TRAPPC9: variants seen among roughly 807,000 people sequenced by gnomAD.
The protein encoded by TRAPPC9 is IKK2 binding protein.
In TRAPPC9, 83 loss-of-function variants were observed where a neutral mutation model predicts 124.0. That is an observed-to-expected ratio of 0.67 (90% CI 0.56 to 0.80). The LOEUF is 0.80. Among genes scored for constraint, TRAPPC9 ranks in the 30% least tolerant of loss-of-function variants. TRAPPC9 has a pLI of 0.00. For missense variants in TRAPPC9, 1,302 were observed against 1,508.3 expected (o/e 0.86, Z 2.27); for synonymous variants, 638 against 617.5 (o/e 1.03, Z -0.49).
chr8:140,141,012 T>C (rs966620730), intron 17 of TRAPPC9, among the ~76,000 whole-genome samples: 2 of 152,228 alleles, frequency 1.3e-5, no homozygotes, highest in African/African-American at 4.8e-5. Flanking sequence ...CTTTTTATAA[T>C]AATTATTTTG....
At chr8:140,392,693 G>A (rs1019006266) in intron 7 of TRAPPC9, among the ~76,000 whole-genome samples, 22 of 152,280 alleles carry the variant, frequency 1.4e-4, no homozygotes, top group South Asian at 6.2e-4. Context: ...GAGGCCCTTC[G>A]CCTCTGAAAT....
At chr8:140,025,660 T>C (rs978319324) in intron 17 of TRAPPC9, among the ~76,000 whole-genome samples, 1 of 151,830 alleles carries the variant, frequency 6.6e-6, no homozygotes, top group Non-Finnish European at 1.5e-5. Context: ...TCTCACTAGA[T>C]TCGTGCAGAT....
chr8:139,992,686 T>C (rs963891411), intron 18 of TRAPPC9, among the ~76,000 whole-genome samples: 2 of 149,884 alleles, frequency 1.3e-5, no homozygotes, highest in African/African-American at 4.9e-5. Flanking sequence ...GCTGTAATCA[T>C]GAAGACAGAG....
At chr8:140,068,209 A>G (rs1290197432) in intron 17 of TRAPPC9, among the ~76,000 whole-genome samples, 1 of 152,104 alleles carries the variant, frequency 6.6e-6, no homozygotes, top group Non-Finnish European at 1.5e-5. Flanking sequence ...TGCCTGGGGA[A>G]GTGGAAGGCT....
intron 2 of TRAPPC9, among the ~76,000 whole-genome samples, chr8:140,444,008 C>T (rs1015206308): frequency 7.3e-6 from 1 of 136,734 alleles, no homozygotes; most frequent in Non-Finnish European, 1.5e-5. Flanking sequence ...TGCACTCCAG[C>T]CTGGGCGACA....
intron 19 of TRAPPC9, among the ~76,000 whole-genome samples, chr8:139,943,015 T>C (rs965430154): frequency 1.3e-5 from 2 of 152,312 alleles, no homozygotes; most frequent in East Asian, 1.9e-4. Flanking sequence ...GAAGTCCAGC[T>C]AAGGAGAAAA....
chr8:139,796,134 A>AAGGAGGAGGAAG (rs1200867251), intron 21 of TRAPPC9, among the ~76,000 whole-genome samples: 101 of 123,900 alleles, frequency 8.2e-4, no homozygotes, highest in African/African-American at 2.7e-3. Context: ...GGAAGAGGAG[A>AAGGAGGAGGAAG]AGGAGGAGGA....
Position 140,087,186 on chromosome 8 carries a change from T to G in TRAPPC9, c.2557-63107A>C, listed in dbSNP as rs1045573424. Among the ~76,000 whole-genome samples, 7 of 152,188 alleles carry G rather than the reference T, an allele frequency of 4.6e-5. No individual in the cohort carries two copies. Among genetic ancestry groups the G allele is most frequent in the African/African-American group, 1.7e-4 (7 of 41,434 alleles). On this transcript the variant is annotated intron_variant, in intron 17 of 22. Coordinates refer to ENST00000438773, the MANE Select transcript of TRAPPC9 (RefSeq NM_001160372.4). This position sits in a 1 kb window ranked among gnomAD's most constrained non-coding sequence, Gnocchi z 4.6. The stretch of plus-strand genomic sequence containing the variant: ...TTTGCTCCTAAGCCACGCCCCATGT[T>G]TCCAGCTTTTGAGCTGCCTGCTTTT...
At chr8:139,860,318 G>A (rs1021104867) in intron 21 of TRAPPC9, among the ~76,000 whole-genome samples, 3 of 152,134 alleles carry the variant, frequency 2.0e-5, no homozygotes, top group African/African-American at 7.2e-5. Context: ...AGTCCAAAAG[G>A]GGCTGTTACA....
intron 17 of TRAPPC9, among the ~76,000 whole-genome samples, chr8:140,052,292 A>C (rs1842050386): frequency 6.6e-6 from 1 of 152,246 alleles, no homozygotes; most frequent in Admixed American, 6.5e-5. Flanking sequence ...AAATGCAAGG[A>C]AACCTTCTCT....
chr8:139,830,310 G>T (rs1825897833), intron 21 of TRAPPC9, among the ~76,000 whole-genome samples: 1 of 138,872 alleles, frequency 7.2e-6, no homozygotes, highest in African/African-American at 2.9e-5. Flanking sequence ...CACTACACAT[G>T]CACACACATG....
chr8:139,939,614 G>A (rs1421992566), intron 19 of TRAPPC9, among the ~76,000 whole-genome samples: 1 of 152,182 alleles, frequency 6.6e-6, no homozygotes, highest in Non-Finnish European at 1.5e-5. Context: ...GGGCTGATGT[G>A]CATCCTGGCA....
In TRAPPC9 at chr8:140,249,595, CTCT is replaced by C. The variant is rs1182674366; in HGVS notation, c.2431+3179_2431+3181del. Among the ~76,000 whole-genome samples, 8 of 139,586 alleles carry C rather than the reference CTCT, an allele frequency of 5.7e-5. No individual in the cohort carries two copies. In the East Asian group the frequency reaches 1.6e-3, roughly 27 times the overall value. 91.6% of individuals were successfully genotyped at this position (139,586 alleles called of 152,430 possible). On this transcript the variant is annotated intron_variant, in intron 16 of 22. Transcript: ENST00000438773. ...GTAAGTGCAGGCAAATCATCTTTCA[CTCT>C]TTTTTTTTTTTTTTTTTTTTTTTGA...
chr8:140,078,782 C>A (rs960799631), intron 17 of TRAPPC9, among the ~76,000 whole-genome samples: 4 of 152,138 alleles, frequency 2.6e-5, no homozygotes, highest in Non-Finnish European at 5.9e-5. Flanking sequence ...AACACCAGGT[C>A]AGCCACCTCC....
intron 5 of TRAPPC9, among the ~76,000 whole-genome samples, chr8:140,408,007 A>T (rs765801421): frequency 2.6e-5 from 4 of 152,346 alleles, no homozygotes; most frequent in Non-Finnish European, 4.4e-5. Context: ...GAAAATAACA[A>T]GAGCATCGCT....
rs149864532 is a variant in TRAPPC9 at position 139,829,708 on chromosome 8, G to C, written c.3055+56171C>G. Among the ~76,000 whole-genome samples the C allele has an allele frequency of 6.6e-4, 101 of 152,318 alleles. 1 individual carries two copies. The highest frequency in any genetic ancestry group is 2.3e-3 in the African/African-American group (95 of 41,570). On this transcript the variant is annotated intron_variant, in intron 21 of 22. Coordinates refer to ENST00000438773, the MANE Select transcript of TRAPPC9 (RefSeq NM_001160372.4). ...TATGATCCCAAATATTGTAACACAA[G>C]AGCGAAAAGAATGGATCCTGAGAGA...
At position 139,987,454 on chromosome 8, in the gene TRAPPC9, C is replaced by T. The variant is rs529176100; in HGVS notation, c.2810+1272G>A. 1.7e-4 allele frequency among the ~76,000 whole-genome samples: 26 copies of T among 152,178 alleles called. 1 individual carries two copies. In the South Asian group the frequency reaches 3.7e-3, roughly 22 times the overall value. On this transcript the variant is annotated intron_variant, in intron 19 of 22. Coordinates refer to ENST00000438773, the MANE Select transcript of TRAPPC9 (RefSeq NM_001160372.4). ...TGATGAGTGTCTCATGCTGTCTCATCGCGGTTTGGACTTACATTCCACCAC... is the reference window on the plus strand; with the variant it reads ...TGATGAGTGTCTCATGCTGTCTCATTGCGGTTTGGACTTACATTCCACCAC...
At position 139,968,192 on chromosome 8, in the gene TRAPPC9, T is replaced by TA. The variant is rs775973650; in HGVS notation, c.2810+20533dup. ...CAAAACAAAATAAAAAAACAAAAAA[T>TA]AAAAAAAAGCACAATGGTGCTTCTG... On this transcript the variant is annotated intron_variant, in intron 19 of 22. Coordinates refer to ENST00000438773, the MANE Select transcript of TRAPPC9 (RefSeq NM_001160372.4). 1.7e-3 allele frequency among the ~76,000 whole-genome samples: 260 copies of TA among 150,322 alleles called. 4 individuals carry two copies. The highest frequency in any genetic ancestry group is 2.3e-3 in the Non-Finnish European group (154 of 67,438).
At chr8:139,787,227 T>C (rs1563812448) in intron 21 of TRAPPC9, among the ~76,000 whole-genome samples, 2 of 152,134 alleles carry the variant, frequency 1.3e-5, no homozygotes, top group East Asian at 3.9e-4. Context: ...CAGTCACTGC[T>C]TGATTTGAAT....
Sources: allele counts gnomAD v4.1 joint callset (sites outside exome capture counted in the v4.1 genomes callset), GRCh38; gene constraint gnomAD v4.1.1; non-coding constraint Gnocchi (gnomAD v3.1); transcripts MANE v1.5; gene names NCBI Gene and HGNC (gene_info 2026-07-23, HGNC 2026-07-21).